CFAP52: variants seen among roughly 807,000 people sequenced by gnomAD.
The protein encoded by CFAP52 is cilia and flagella associated protein 52, also known as cilia- and flagella-associated protein 52.
A neutral mutation model predicts 70.5 loss-of-function variants in CFAP52; 57 were observed. The ratio of observed to expected loss-of-function variants is 0.81; its 90% CI spans 0.65 to 1.01. The LOEUF is 1.01. Ranked by LOEUF, CFAP52 falls within the 50% of genes least tolerant of loss-of-function variation. The probability of loss-of-function intolerance (pLI) is 0.00; values close to 1 mark genes in which losing one functional copy is unlikely to be tolerated. For synonymous variants in CFAP52, 267 were observed against 292.5 expected, an observed-to-expected ratio of 0.91 and a Z score of 0.89; for missense variants, 785 against 788.5, an observed-to-expected ratio of 1.00 and a Z score of 0.05.
Position 9,586,891 on chromosome 17 carries a change from G to T in CFAP52, c.407+57G>T. On this transcript the variant is annotated intron_variant, in intron 3 of 13. Transcript: ENST00000352665. ...TTATTTTTTTTAACTTTTATTTCAG[G>T]TTCAGACGTACATGTGCAGGTTTGT... The T allele has an allele frequency of 3.3e-6, 5 of 1,508,188 alleles. No individual in the cohort carries two copies. In the East Asian group the frequency reaches 1.2e-4, roughly 37 times the overall value. 93.4% of individuals were successfully genotyped at this position (1,508,188 alleles called of 1,614,324 possible). A position where few individuals can be genotyped will look rare whatever the true frequency, so the allele number is the denominator to read the frequency against.
chr17:9,584,605 A>C (rs1422238032), intron 1 of CFAP52, among the ~76,000 whole-genome samples: 4 of 37,648 alleles, frequency 1.1e-4, no homozygotes, highest in East Asian at 8.8e-3. Context: ...AGATTAATGC[A>C]GTATTTTTTT....
intron 7 of CFAP52, among the ~76,000 whole-genome samples, chr17:9,609,990 G>GGAGA (rs137875006): frequency 2.1e-4 from 32 of 148,988 alleles, no homozygotes; most frequent in East Asian, 7.9e-4. Context: ...TCTGATTTCT[G>GGAGA]GAGAGAGAGA....
intron 5 of CFAP52, among the ~76,000 whole-genome samples, chr17:9,599,304 T>C (rs547675219): frequency 2.0e-5 from 3 of 152,230 alleles, no homozygotes; most frequent in Non-Finnish European, 4.4e-5. Context: ...TTTTGGATTA[T>C]ACTCAACCTG....
chr17:9,638,110 T>C (rs547908008), intron 11 of CFAP52, among the ~76,000 whole-genome samples: 1 of 152,230 alleles, frequency 6.6e-6, no homozygotes, highest in African/African-American at 2.4e-5. Context: ...TACAAATGTG[T>C]ACATGACATC....
chr17:9,614,371 G>A (rs918845532), intron 8 of CFAP52, among the ~76,000 whole-genome samples: 2 of 151,962 alleles, frequency 1.3e-5, no homozygotes, highest in African/African-American at 4.8e-5. Context: ...GGCCCAGCTG[G>A]TCGCGAGCTC....
chr17:9,615,952 A>T (rs1266544871), intron 8 of CFAP52, among the ~76,000 whole-genome samples: 1 of 151,836 alleles, frequency 6.6e-6, no homozygotes, highest in Non-Finnish European at 1.5e-5. Context: ...CAACCTCTAA[A>T]TTTTTAATAT....
chr17:9,580,030 T>C (rs1017193441), intron 1 of CFAP52, among the ~76,000 whole-genome samples: 4 of 152,200 alleles, frequency 2.6e-5, no homozygotes, highest in African/African-American at 9.6e-5. Context: ...CATTCATCCA[T>C]TGACTGGAGT....
intron 9 of CFAP52, 84 bp downstream of exon 9, chr17:9,628,904 A>G: frequency 6.3e-7 from 1 of 1,581,504 alleles, no homozygotes; most frequent in East Asian, 2.2e-5. Context: ...TAGTCTCTAC[A>G]TGTGGATAAC....
intron 2 of CFAP52, 41 bp downstream of exon 2, chr17:9,586,013 G>C (rs375204740): frequency 6.2e-7 from 1 of 1,603,404 alleles, no homozygotes; most frequent in African/African-American, 1.3e-5. Flanking sequence ...TTTATCTAGA[G>C]GTGCCTCCCT....
Position 9,586,652 on chromosome 17 carries a change from G to A in CFAP52, c.271-46G>A, listed in dbSNP as rs867656141. 5 of 1,546,154 alleles carry A rather than the reference G, an allele frequency of 3.2e-6. No individual in the cohort carries two copies. In the Middle Eastern group the frequency reaches 6.9e-4, roughly 215 times the overall value. ...AAGAAGGGTAGCTATCTCCTCAGATGCTTTTAATGCCTCCCTATGATCTGA... is the reference window on the plus strand; with the variant it reads ...AAGAAGGGTAGCTATCTCCTCAGATACTTTTAATGCCTCCCTATGATCTGA... On this transcript the variant is annotated intron_variant, in intron 2 of 13. Coordinates refer to ENST00000352665, the MANE Select transcript of CFAP52 (RefSeq NM_145054.5).
intron 10 of CFAP52, among the ~76,000 whole-genome samples, chr17:9,633,350 G>A (rs967071688): frequency 2.3e-4 from 35 of 151,982 alleles, no homozygotes; most frequent in African/African-American, 7.7e-4. Flanking sequence ...GATTACAGGC[G>A]CACACCGTCA....
Position 9,600,094 on chromosome 17 carries a change from C to T in CFAP52, c.664C>T (p.Leu222Phe). 6.2e-7 allele frequency: 1 copy of T among 1,613,722 alleles called. No individual in the cohort carries two copies. The highest frequency in any genetic ancestry group is 8.5e-7 in the Non-Finnish European group (1 of 1,179,786). The part of the protein sequence containing the change: ...GVDDDDSFFY[L>F]GTTTGDILKM... ...GGATGATGATGATAGCTTTTTCTAC[C>T]TTGGCACCACGACTGGAGATATTCT... is the stretch of plus-strand genomic sequence containing the variant. The change falls in exon 6 of 14, where the codon CTT (leucine) becomes TTT (phenylalanine). Residue 222 changes from leucine to phenylalanine, a missense_variant. By Grantham distance (22) the Leu-to-Phe change is conservative. Transcript: ENST00000352665.
chr17:9,596,078 T>A (rs1242991594), intron 4 of CFAP52, among the ~76,000 whole-genome samples: 1 of 138,172 alleles, frequency 7.2e-6, no homozygotes, highest in Non-Finnish European at 1.6e-5. Flanking sequence ...TATATATATA[T>A]ATATATATAT....
Position 9,631,020 on chromosome 17 carries a change from AAGAAAGAAAGAGAGAGAGAG to A in CFAP52, c.1175-1864_1175-1845del, listed in dbSNP as rs1910474532. Among the ~76,000 whole-genome samples the A allele has an allele frequency of 1.0e-4, 4 of 39,318 alleles. 1 individual carries two copies. The highest frequency in any genetic ancestry group is 6.7e-4 in the African/African-American group (4 of 5,990). 25.8% of individuals were successfully genotyped at this position (39,318 alleles called of 152,430 possible). On this transcript the variant is annotated intron_variant, in intron 9 of 13. Coordinates refer to ENST00000352665, the MANE Select transcript of CFAP52 (RefSeq NM_145054.5). ...AAAGAAAGAAAGAAAGAAAGAAAGA[AAGAAAGAAAGAGAGAGAGAG>A]AGAGAGAGAGAGAGAAAGAAAGAAA...
chr17:9,636,769 G>A (rs1910823058), intron 11 of CFAP52, among the ~76,000 whole-genome samples: 1 of 152,184 alleles, frequency 6.6e-6, no homozygotes. Context: ...AAGCACTGCT[G>A]GGCGCGGTGG....
intron 7 of CFAP52, among the ~76,000 whole-genome samples, chr17:9,609,461 G>A (rs144191245): frequency 8.5e-5 from 13 of 152,250 alleles, no homozygotes; most frequent in South Asian, 6.2e-4. Flanking sequence ...TTGGGAGGTC[G>A]AGGCAAGTGG....
chr17:9,645,412 G>A, downstream of CFAP52: 1 of 293,204 alleles, frequency 3.4e-6, no homozygotes, highest in Non-Finnish European at 6.1e-6. The surrounding 1 kb of genome is among the most constrained non-coding windows in gnomAD (Gnocchi z 6.8). Flanking sequence ...CCAGGCAGGG[G>A]TAGGGGTGGC....
At chr17:9,609,929 G>A (rs1597783060) in intron 7 of CFAP52, among the ~76,000 whole-genome samples, 1 of 151,980 alleles carries the variant, frequency 6.6e-6, no homozygotes, top group East Asian at 1.9e-4. Flanking sequence ...CATTCATCAG[G>A]AGCCTGGTGC....
chr17:9,588,165 G>A (rs1908578955), intron 3 of CFAP52, among the ~76,000 whole-genome samples: 2 of 152,204 alleles, frequency 1.3e-5, no homozygotes, highest in Admixed American at 1.3e-4. Context: ...TAGAGTGCAG[G>A]CGTATAATTC....
Sources: gnomAD v4.1 joint callset for allele counts (sites outside exome capture counted in the v4.1 genomes callset) on GRCh38, gnomAD v4.1.1 for gene constraint, Gnocchi (gnomAD v3.1) non-coding constraint, MANE v1.5 for transcripts, NCBI Gene and HGNC (gene_info 2026-07-23, HGNC 2026-07-21) for gene names.